The following PCDHGA3 variants were observed in gnomAD, a reference collection of about 807,000 sequenced individuals.
The protein encoded by PCDHGA3 is protocadherin gamma-A3.
PCDHGA3 carries 40 observed loss-of-function variants against 58.5 expected under a neutral mutation model. The observed-to-expected ratio is 0.68, with a 90% CI of 0.53 to 0.89. The LOEUF is 0.89. Ranked by LOEUF, PCDHGA3 falls within the 40% of genes least tolerant of loss-of-function variation. The pLI is 0.00. For missense variants in PCDHGA3, 1,223 were observed against 1,195.9 expected (o/e 1.02, Z -0.33); for synonymous variants, 530 against 525.7 (o/e 1.01, Z -0.11).
chr5:141,481,257 A>T (rs2099534664), intron 1 of PCDHGA3, among the ~76,000 whole-genome samples: 1 of 152,172 alleles, frequency 6.6e-6, no homozygotes, highest in African/African-American at 2.4e-5. Context: ...GCTCTAAAAG[A>T]TCACTGTAGG....
rs758181180 is a variant in PCDHGA3 at position 141,485,483 on chromosome 5, G to T, written c.2425-9324G>T. The T allele has an allele frequency of 1.9e-6, 3 of 1,614,106 alleles. No homozygotes were observed. The highest frequency in any genetic ancestry group is 2.5e-6 in the Non-Finnish European group (3 of 1,180,022). ...GTGTGGGCTCAGTGCCAGCTGCATC[G>T]TGCCCCTGGAGTTTGTCACCGAAGG... On this transcript the variant is annotated intron_variant, in intron 1 of 3. Coordinates refer to ENST00000253812, the MANE Select transcript of PCDHGA3 (RefSeq NM_018916.4). The surrounding 1 kb of genome is among the most constrained non-coding windows in gnomAD (Gnocchi z 5.7).
chr5:141,477,052 C>T lies in PCDHGA3; in HGVS notation c.2425-17755C>T. On this transcript the variant is annotated intron_variant, in intron 1 of 3. Coordinates refer to ENST00000253812, the MANE Select transcript of PCDHGA3 (RefSeq NM_018916.4). The surrounding 1 kb of genome is among the most constrained non-coding windows in gnomAD (Gnocchi z 4.9). ...TGACAATCAAGGGTCGGCTGGACTT[C>T]GAGGACACCAAACTCCATGAGATTT... 1.2e-6 allele frequency: 2 copies of T among 1,614,240 alleles called. No individual in the cohort carries two copies. The highest frequency in any genetic ancestry group is 1.7e-6 in the Non-Finnish European group (2 of 1,180,032).
At chr5:141,408,847 G>A in intron 1 of PCDHGA3, 1 of 1,613,498 alleles carries the variant, frequency 6.2e-7, no homozygotes, top group African/African-American at 1.3e-5. Flanking sequence ...TGACTGCCTT[G>A]GACGGAGGGG....
intron 1 of PCDHGA3, chr5:141,418,535 G>A: frequency 6.2e-7 from 1 of 1,614,002 alleles, no homozygotes. Context: ...AAGCGGTACT[G>A]CTCAGATAAG....
chr5:141,371,078 C>A (rs776361776), intron 1 of PCDHGA3: 1 of 1,613,770 alleles, frequency 6.2e-7, no homozygotes, highest in African/African-American at 1.3e-5. Context: ...CCACCCAGAT[C>A]AGGGTAATTG....
intron 1 of PCDHGA3, chr5:141,375,703 G>A (rs776426026): frequency 3.7e-6 from 6 of 1,614,144 alleles, no homozygotes; most frequent in Admixed American, 1.7e-5. Context: ...GCGGGGACCC[G>A]CCTCTTAGCA....
At chr5:141,353,298 T>C (rs1759240149) in intron 1 of PCDHGA3, among the ~76,000 whole-genome samples, 1 of 152,238 alleles carries the variant, frequency 6.6e-6, no homozygotes, top group Non-Finnish European at 1.5e-5. Flanking sequence ...CTTAGCTCTT[T>C]ATAAATGTAT....
At position 141,477,130 on chromosome 5, in the gene PCDHGA3, G is replaced by C; in HGVS notation, c.2425-17677G>C. On this transcript the variant is annotated intron_variant, in intron 1 of 3. Coordinates refer to ENST00000253812, the MANE Select transcript of PCDHGA3 (RefSeq NM_018916.4). The surrounding 1 kb of genome is among the most constrained non-coding windows in gnomAD (Gnocchi z 4.9). ...ATCCCGAAGGAGCACATTGCAAAGT[G>C]TTGGTGGAGGTTGTGGATGTGAATG... 6.2e-7 allele frequency: 1 copy of C among 1,614,252 alleles called. No individual in the cohort carries two copies. The highest frequency in any genetic ancestry group is 2.2e-5 in the East Asian group (1 of 44,888).
chr5:141,394,547 G>A, intron 1 of PCDHGA3: 8 of 1,614,098 alleles, frequency 5.0e-6, no homozygotes, highest in Non-Finnish European at 6.8e-6. Context: ...TGGAGCTGGC[G>A]CCCCGCTCCG....
chr5:141,418,576 C>T, intron 1 of PCDHGA3: 2 of 1,614,012 alleles, frequency 1.2e-6, no homozygotes, highest in South Asian at 1.1e-5. Flanking sequence ...ATGACAACCC[C>T]CCAGTGTTCA....
chr5:141,468,549 C>T (rs1289802190), intron 1 of PCDHGA3: 2 of 151,940 alleles, frequency 1.3e-5, no homozygotes, highest in Non-Finnish European at 2.9e-5. Flanking sequence ...ACATATTTAA[C>T]ATTTGTGATA....
At chr5:141,395,151 A>G in intron 1 of PCDHGA3, 1 of 1,612,516 alleles carries the variant, frequency 6.2e-7, no homozygotes, top group Non-Finnish European at 8.5e-7. Flanking sequence ...AGACATGCTC[A>G]TCAGTCAGGA....
intron 1 of PCDHGA3, among the ~76,000 whole-genome samples, chr5:141,484,760 A>G (rs1472178052): frequency 2.0e-5 from 3 of 151,880 alleles, no homozygotes; most frequent in South Asian, 2.1e-4. Flanking sequence ...GTATATATAT[A>G]TATATGTTGT....
chr5:141,366,594 A>ACC (rs746902775), intron 1 of PCDHGA3: 4 of 1,614,124 alleles, frequency 2.5e-6, no homozygotes, highest in Non-Finnish European at 3.4e-6. Context: ...ACCTATTCCC[A>ACC]CGAGGTCTCC....
intron 1 of PCDHGA3, chr5:141,478,446 G>A: frequency 6.2e-7 from 1 of 1,613,520 alleles, no homozygotes; most frequent in Non-Finnish European, 8.5e-7. Flanking sequence ...AAGAAACCTG[G>A]TGCAGCCAGT....
chr5:141,423,234 C>T, intron 1 of PCDHGA3: 1 of 1,613,918 alleles, frequency 6.2e-7, no homozygotes, highest in South Asian at 1.1e-5. Context: ...CCGACAGCAT[C>T]CCCGAAGTCC....
Position 141,432,220 on chromosome 5 carries a change from C to T in PCDHGA3, c.2425-62587C>T. The T allele has an allele frequency of 6.2e-7, 1 of 1,614,246 alleles. No homozygotes were observed. Among genetic ancestry groups the T allele is most frequent in the Non-Finnish European group, 8.5e-7 (1 of 1,180,040 alleles). Reference sequence around the variant, plus strand: ...CCGACTGTGAAGAGAACGCCCAGATCACTTATTCCCTGGCTGAGAACACCA... The same window carrying T: ...CCGACTGTGAAGAGAACGCCCAGATTACTTATTCCCTGGCTGAGAACACCA... On this transcript the variant is annotated intron_variant, in intron 1 of 3. Coordinates refer to ENST00000253812, the MANE Select transcript of PCDHGA3 (RefSeq NM_018916.4). The surrounding 1 kb of genome is among the most constrained non-coding windows in gnomAD (Gnocchi z 6.0).
At position 141,485,880 on chromosome 5, in the gene PCDHGA3, A is replaced by G; in HGVS notation, c.2425-8927A>G. 1 of 1,614,124 alleles carries G rather than the reference A, an allele frequency of 6.2e-7. No individual in the cohort carries two copies. Among genetic ancestry groups the G allele is most frequent in the Non-Finnish European group, 8.5e-7 (1 of 1,180,026 alleles). On this transcript the variant is annotated intron_variant, in intron 1 of 3. Transcript: ENST00000253812. The surrounding 1 kb of genome is among the most constrained non-coding windows in gnomAD (Gnocchi z 5.7). ...CTCCGGGTATCCGTGCTGGACGTAA[A>G]CGACAACGCCCCAGCCTTCCAGCAA... is the stretch of plus-strand genomic sequence containing the variant.
chr5:141,485,374 T>A lies in PCDHGA3; in HGVS notation c.2425-9433T>A. Reference sequence around the variant, plus strand: ...TGTCAGCTCGCAGGCTGCAGGTCGCTGGAGAGGTGAACCAAAGACACTTCC... The same window carrying A: ...TGTCAGCTCGCAGGCTGCAGGTCGCAGGAGAGGTGAACCAAAGACACTTCC... On this transcript the variant is annotated intron_variant, in intron 1 of 3. Coordinates refer to ENST00000253812, the MANE Select transcript of PCDHGA3 (RefSeq NM_018916.4). The surrounding 1 kb of genome is among the most constrained non-coding windows in gnomAD (Gnocchi z 5.7). The A allele has an allele frequency of 1.2e-6, 2 of 1,614,082 alleles. No homozygotes were observed. Among genetic ancestry groups the A allele is most frequent in the Non-Finnish European group, 1.7e-6 (2 of 1,179,998 alleles).
Sources: allele counts gnomAD v4.1 joint callset (sites outside exome capture counted in the v4.1 genomes callset), GRCh38; gene constraint gnomAD v4.1.1; non-coding constraint Gnocchi (gnomAD v3.1); transcripts MANE v1.5; gene names NCBI Gene and HGNC (gene_info 2026-07-23, HGNC 2026-07-21).